CYP7B1: variants seen among roughly 807,000 people sequenced by gnomAD.
The protein encoded by CYP7B1 is cytochrome P450 7B1.
In CYP7B1, 29 loss-of-function variants were observed where a neutral mutation model predicts 42.7. The ratio of observed to expected loss-of-function variants is 0.68; its 90% CI spans 0.51 to 0.93. The LOEUF (loss-of-function observed/expected upper bound fraction) is 0.93. Ranked by LOEUF, CYP7B1 falls within the 40% of genes least tolerant of loss-of-function variation. The probability of loss-of-function intolerance (pLI) is 0.00; values close to 1 mark genes in which losing one functional copy is unlikely to be tolerated. For missense variants in CYP7B1, 655 were observed against 600.5 expected, an observed-to-expected ratio of 1.09 and a Z score of -0.95; for synonymous variants, 235 against 218.2, an observed-to-expected ratio of 1.08 and a Z score of -0.68.
chr8:64,751,162 G>C (rs1048731076), intron 1 of CYP7B1, among the ~76,000 whole-genome samples: 6 of 152,170 alleles, frequency 3.9e-5, no homozygotes, highest in African/African-American at 1.4e-4. Context: ...GCTTTCATTG[G>C]AGACAATTTT....
chr8:64,654,356 T>C lies in CYP7B1; in HGVS notation c.123-29817A>G, dbSNP rs557708656. ...TACAAAATTAGTGTACAAAAATCAC[T>C]AGCATTCCTGTATACCAACAACAGC... On this transcript the variant is annotated intron_variant, in intron 1 of 5. Transcript: ENST00000310193. 8.5e-5 allele frequency among the ~76,000 whole-genome samples: 13 copies of C among 152,286 alleles called. No homozygotes were observed. In the Middle Eastern group the frequency reaches 0.01, roughly 120 times the overall value.
Position 64,721,202 on chromosome 8 carries a change from G to A in CYP7B1, c.122+77264C>T, listed in dbSNP as rs375885388. ...TTTGAAATTAATCAAAAAGTAAACA[G>A]AAAAACAACACCTATCTTTGTCGAA... On this transcript the variant is annotated intron_variant, in intron 1 of 5. Transcript: ENST00000310193. 5.9e-5 allele frequency among the ~76,000 whole-genome samples: 9 copies of A among 151,726 alleles called. No individual in the cohort carries two copies. The South Asian group carries it at 1.0e-3, about 18-fold the overall frequency.
intron 1 of CYP7B1, among the ~76,000 whole-genome samples, chr8:64,693,409 A>G (rs1162887370): frequency 6.6e-6 from 1 of 152,222 alleles, no homozygotes; most frequent in Non-Finnish European, 1.5e-5. Context: ...CTTGACACTG[A>G]GCCTTCAGAG....
chr8:64,755,415 T>G (rs754208522), intron 1 of CYP7B1, among the ~76,000 whole-genome samples: 3 of 152,124 alleles, frequency 2.0e-5, no homozygotes, highest in Admixed American at 6.6e-5. Flanking sequence ...TTTATTTTTA[T>G]TTTTTATTTA....
At chr8:64,607,616 GAA>G (rs921766744) in intron 4 of CYP7B1, among the ~76,000 whole-genome samples, 1 of 152,138 alleles carries the variant, frequency 6.6e-6, no homozygotes, top group Non-Finnish European at 1.5e-5. Flanking sequence ...GAGTTAAAAT[GAA>G]AAGTCTTGTC....
chr8:64,760,673 T>C (rs1031466397), intron 1 of CYP7B1, among the ~76,000 whole-genome samples: 15 of 152,064 alleles, frequency 9.9e-5, no homozygotes, highest in African/African-American at 3.6e-4. Context: ...CTTGATAGGA[T>C]GACTATTATC....
At chr8:64,625,558 A>G (rs1336962333) in intron 1 of CYP7B1, among the ~76,000 whole-genome samples, 1 of 152,232 alleles carries the variant, frequency 6.6e-6, no homozygotes, top group East Asian at 1.9e-4. Context: ...CATGTTATAA[A>G]TGCTGCTTGA....
intron 1 of CYP7B1, among the ~76,000 whole-genome samples, chr8:64,770,173 G>A (rs1804197979): frequency 1.3e-5 from 2 of 152,122 alleles, no homozygotes; most frequent in African/African-American, 2.4e-5. Flanking sequence ...TAAGAACATG[G>A]AGGGATATAT....
intron 1 of CYP7B1, among the ~76,000 whole-genome samples, chr8:64,649,409 A>G (rs567910758): frequency 7.2e-4 from 109 of 152,346 alleles, no homozygotes; most frequent in African/African-American, 2.5e-3. Flanking sequence ...TTAAGGCTAT[A>G]TAACATTCTT....
intron 1 of CYP7B1, among the ~76,000 whole-genome samples, chr8:64,712,711 C>T (rs1389143514): frequency 1.3e-5 from 2 of 150,088 alleles, no homozygotes; most frequent in Non-Finnish European, 3.0e-5. Context: ...TACATATATA[C>T]ATTTTCTCAT....
intron 5 of CYP7B1, among the ~76,000 whole-genome samples, chr8:64,600,327 A>AT (rs1387679936): frequency 2.0e-5 from 3 of 152,276 alleles, no homozygotes; most frequent in Admixed American, 1.3e-4. Flanking sequence ...AGTTCAACAG[A>AT]TTTTTTTGGA....
intron 5 of CYP7B1, among the ~76,000 whole-genome samples, 163 bp downstream of exon 5, chr8:64,604,519 T>G (rs1234188787): frequency 6.6e-6 from 1 of 152,178 alleles, no homozygotes; most frequent in African/African-American, 2.4e-5. Context: ...TAGGGAACAC[T>G]TCAGTAAAGA....
intron 1 of CYP7B1, among the ~76,000 whole-genome samples, chr8:64,666,935 A>C (rs567602165): frequency 1.3e-5 from 2 of 152,162 alleles, no homozygotes; most frequent in African/African-American, 2.4e-5. Flanking sequence ...TCAATTTCTA[A>C]TGTCTTTACA....
At chr8:64,675,665 G>A (rs1197081471) in intron 1 of CYP7B1, among the ~76,000 whole-genome samples, 1 of 151,846 alleles carries the variant, frequency 6.6e-6, no homozygotes, top group African/African-American at 2.4e-5. Flanking sequence ...ATCCACTCTG[G>A]GGATCAAGTA....
chr8:64,597,011 G>T (rs1233640463), intron 5 of CYP7B1, 82 bp from the exon 6 acceptor site: 4 of 1,263,100 alleles, frequency 3.2e-6, no homozygotes, highest in Admixed American at 2.4e-5. Flanking sequence ...AGCTCTCTCT[G>T]CCTGTCTTAA....
Position 64,798,688 on chromosome 8 carries a change from T to G in CYP7B1, c.-101A>C. ...GGCGGCTTCTCTCGGCGGCGCCCCC[T>G]AGTCCAGGGCCGGAGAGGCTGGCCT... On this transcript the variant is annotated 5_prime_UTR_variant, in exon 1 of 6. Coordinates refer to ENST00000310193, the MANE Select transcript of CYP7B1 (RefSeq NM_004820.5). 2 of 1,309,672 alleles carry G rather than the reference T, an allele frequency of 1.5e-6. No individual in the cohort carries two copies. The highest frequency in any genetic ancestry group is 3.1e-5 in the East Asian group (1 of 31,776). The allele number at this position is 1,309,672 out of a possible 1,614,324, so 81.1% of individuals were successfully genotyped here.
chr8:64,592,505 G>C lies in CYP7B1; in HGVS notation c.*4137C>G, dbSNP rs1805051653. ...TAACAAATAGTATGTTCTTGAAGGGGAAGGGGAATCCAGTGTCTAGCATCA... is the reference window on the plus strand; with the variant it reads ...TAACAAATAGTATGTTCTTGAAGGGCAAGGGGAATCCAGTGTCTAGCATCA... On this transcript the variant is annotated 3_prime_UTR_variant, in exon 6 of 6. Transcript: ENST00000310193. Among the ~76,000 whole-genome samples, 1 of 152,168 alleles carries C rather than the reference G, an allele frequency of 6.6e-6. No individual in the cohort carries two copies. Among genetic ancestry groups the C allele is most frequent in the East Asian group, 1.9e-4 (1 of 5,200 alleles).
At chr8:64,623,934 C>T (rs1033886531) in intron 2 of CYP7B1, among the ~76,000 whole-genome samples, 3 of 151,932 alleles carry the variant, frequency 2.0e-5, no homozygotes, top group African/African-American at 7.3e-5. Flanking sequence ...AATGATTGAT[C>T]AATATTGGTT....
chr8:64,629,535 G>A (rs943724671), intron 1 of CYP7B1, among the ~76,000 whole-genome samples: 2 of 151,448 alleles, frequency 1.3e-5, no homozygotes, highest in African/African-American at 4.8e-5. Flanking sequence ...TGTGTATGTG[G>A]TTAAAATTTC....
Sources: allele counts gnomAD v4.1 joint callset (sites outside exome capture counted in the v4.1 genomes callset), GRCh38; gene constraint gnomAD v4.1.1; transcripts MANE v1.5; gene names NCBI Gene and HGNC (gene_info 2026-07-23, HGNC 2026-07-21).